Variants in ADAMTSL1 observed in about 807,000 individuals in gnomAD.
ADAMTSL1 encodes ADAMTS-like protein 1.
In ADAMTSL1, 126 loss-of-function variants were observed where a neutral mutation model predicts 201.8. That is an observed-to-expected ratio of 0.62 (90% confidence interval 0.54 to 0.72). The LOEUF is 0.72. Ranked by LOEUF, ADAMTSL1 falls within the 30% of genes least tolerant of loss-of-function variation. The pLI, the probability that ADAMTSL1 is intolerant of heterozygous loss-of-function variation, is 0.00. For synonymous variants in ADAMTSL1, 1,121 were observed against 903.4 expected (o/e 1.24, Z -4.32); for missense variants, 2,679 against 2,277.8 (o/e 1.18, Z -3.59).
chr9:18,431,238 G>A (rs1819476527), intron 2 of ADAMTSL1, among the ~76,000 whole-genome samples: 1 of 152,212 alleles, frequency 6.6e-6, no homozygotes, highest in Admixed American at 6.5e-5. Flanking sequence ...TTGTTGAGAT[G>A]TTGAATTCAT....
At chr9:17,954,016 T>G (rs1163834593) in intron 1 of ADAMTSL1, among the ~76,000 whole-genome samples, 1 of 152,204 alleles carries the variant, frequency 6.6e-6, no homozygotes, top group Non-Finnish European at 1.5e-5. Context: ...GGCTTCTTCA[T>G]TCACGAGTCT....
rs561953145 is a variant in ADAMTSL1, at chr9:18,681,237, G to A, written c.1342-575G>A. 4 of 152,488 alleles carry A rather than the reference G, an allele frequency of 2.6e-5. No individual in the cohort carries two copies. The East Asian group carries it at 7.7e-4, about 29-fold the overall frequency. The allele number at this position is 152,488 out of a possible 1,614,324, so 9.4% of individuals were successfully genotyped here. On this transcript the variant is annotated intron_variant, in intron 11 of 28. Coordinates refer to ENST00000380548, the MANE Select transcript of ADAMTSL1 (RefSeq NM_001040272.6). The stretch of plus-strand genomic sequence containing the variant: ...TGTGACATTTTCTACATCTAGACAT[G>A]CTACCAGACATGGGGAACCATTAGA...
chr9:17,997,809 G>T (rs1196501095), intron 1 of ADAMTSL1, among the ~76,000 whole-genome samples: 1 of 151,980 alleles, frequency 6.6e-6, no homozygotes, highest in Non-Finnish European at 1.5e-5. Flanking sequence ...AGATTTTATG[G>T]AAAAATTTGG....
rs1171379078 is a variant in ADAMTSL1 at position 18,680,357 on chromosome 9, G to A, written c.1182G>A (p.Gly394=). 16 of 1,614,010 alleles carry A rather than the reference G, an allele frequency of 9.9e-6. No individual in the cohort carries two copies. The highest frequency in any genetic ancestry group is 1.4e-5 in the Non-Finnish European group (16 of 1,180,034). ...CCGCGTGCTCCTCCTCGTGTGGGGG[G>A]GGCATCCAGAGCCGGGCAGTTTCCT... ...PWTACSSSCG[G]GIQSRAVSCV... Residue 394 remains glycine (G), a synonymous_variant, in exon 11 of 29, where the codon GGG becomes GGA. Transcript: ENST00000380548.
intron 1 of ADAMTSL1, among the ~76,000 whole-genome samples, chr9:17,970,523 T>C (rs966515769): frequency 1.3e-5 from 2 of 152,012 alleles, no homozygotes; most frequent in African/African-American, 4.8e-5. Context: ...CACCTTTAAC[T>C]TGATGCTTCA....
At chr9:18,093,506 A>C (rs191761139) in intron 1 of ADAMTSL1, among the ~76,000 whole-genome samples, 1 of 152,318 alleles carries the variant, frequency 6.6e-6, no homozygotes, top group Non-Finnish European at 1.5e-5. Context: ...CATTTCAACT[A>C]TTCTTTTAGG....
intron 4 of ADAMTSL1, among the ~76,000 whole-genome samples, chr9:18,603,546 G>A (rs1416724350): frequency 1.3e-5 from 2 of 152,172 alleles, no homozygotes; most frequent in Admixed American, 1.3e-4. Flanking sequence ...GGACCAGCTG[G>A]TATTTAGGGC....
chr9:18,648,392 A>G (rs1827962197), intron 7 of ADAMTSL1, among the ~76,000 whole-genome samples: 1 of 151,760 alleles, frequency 6.6e-6, no homozygotes, highest in South Asian at 2.1e-4. Context: ...TTTACATTTA[A>G]AGTTAATATT....
At chr9:18,743,385 A>C (rs1417367575) in intron 15 of ADAMTSL1, among the ~76,000 whole-genome samples, 3 of 152,236 alleles carry the variant, frequency 2.0e-5, no homozygotes, top group Non-Finnish European at 2.9e-5. Flanking sequence ...ATCTTGCTGC[A>C]AGTGCCATTT....
At chr9:17,933,951 T>C (rs1484228749) in intron 1 of ADAMTSL1, among the ~76,000 whole-genome samples, 1 of 152,178 alleles carries the variant, frequency 6.6e-6, no homozygotes, top group Non-Finnish European at 1.5e-5. Context: ...GGTGGGCTGT[T>C]TGGTTCAAAT....
At chr9:18,122,458 T>G (rs1825542125) in intron 1 of ADAMTSL1, among the ~76,000 whole-genome samples, 1 of 152,184 alleles carries the variant, frequency 6.6e-6, no homozygotes, top group South Asian at 2.1e-4. Flanking sequence ...TTTCTATGGA[T>G]TCCTCCTTTC....
intron 1 of ADAMTSL1, among the ~76,000 whole-genome samples, chr9:18,109,787 T>G (rs1824923666): frequency 6.6e-6 from 1 of 152,180 alleles, no homozygotes; most frequent in African/African-American, 2.4e-5. Flanking sequence ...GGTCTTGCAA[T>G]TGCACAGTTG....
At chr9:18,584,010 A>T (rs140794483) in intron 4 of ADAMTSL1, among the ~76,000 whole-genome samples, 75 of 152,272 alleles carry the variant, frequency 4.9e-4, no homozygotes, top group African/African-American at 1.8e-3. Context: ...TGGGCTTTTG[A>T]GTTAATGCTG....
chr9:18,340,966 C>T (rs906898445), intron 2 of ADAMTSL1, among the ~76,000 whole-genome samples: 3 of 152,128 alleles, frequency 2.0e-5, no homozygotes, highest in Non-Finnish European at 2.9e-5. Flanking sequence ...ACTGTCACTA[C>T]TGTCATTAGC....
At chr9:18,807,645 C>CAAAAAAA (rs1179713904) in intron 20 of ADAMTSL1, among the ~76,000 whole-genome samples, 5 of 68,622 alleles carry the variant, frequency 7.3e-5, no homozygotes, top group East Asian at 9.3e-4. Flanking sequence ...GACTCTGTCT[C>CAAAAAAA]AAAAAAAAAA....
At chr9:18,393,192 A>AC (rs1838123417) in intron 2 of ADAMTSL1, among the ~76,000 whole-genome samples, 1 of 152,252 alleles carries the variant, frequency 6.6e-6, no homozygotes, top group African/African-American at 2.4e-5. Context: ...CCTTTATACA[A>AC]AATATAATTA....
intron 2 of ADAMTSL1, among the ~76,000 whole-genome samples, chr9:18,418,228 CCAAA>C (rs1818775433): frequency 6.6e-6 from 1 of 152,098 alleles, no homozygotes; most frequent in African/African-American, 2.4e-5. Flanking sequence ...AAAAACCCAA[CCAAA>C]CAAACAAAAA....
intron 3 of ADAMTSL1, among the ~76,000 whole-genome samples, chr9:18,543,551 T>C (rs77102293): frequency 0.026 from 3,919 of 152,286 alleles, 180 homozygotes; most frequent in African/African-American, 0.09. Context: ...AACTGGAGGT[T>C]GACTTTGGTT....
chr9:18,720,823 C>T (rs1833303328), intron 14 of ADAMTSL1, among the ~76,000 whole-genome samples: 1 of 152,322 alleles, frequency 6.6e-6, no homozygotes, highest in East Asian at 1.9e-4. Flanking sequence ...CCCAAGGGCC[C>T]TGCAAACCAC....
Sources: allele counts gnomAD v4.1 joint callset (sites outside exome capture counted in the v4.1 genomes callset), GRCh38; gene constraint gnomAD v4.1.1; transcripts MANE v1.5; gene names NCBI Gene and HGNC (gene_info 2026-07-23, HGNC 2026-07-21).